Variants in SYNE1 observed in about 807,000 individuals in gnomAD.
SYNE1 encodes spectrin repeat containing nuclear envelope protein 1.
SYNE1 carries 616 observed loss-of-function variants against 1,111.0 expected under a neutral mutation model. That is an observed-to-expected ratio of 0.55 (90% CI 0.52 to 0.59). The LOEUF (loss-of-function observed/expected upper bound fraction) is 0.59, where lower values mean the gene tolerates loss of function less well. SYNE1 is among the 20% of genes least tolerant of loss of function. The probability of loss-of-function intolerance (pLI) is 0.00; values close to 1 mark genes in which losing one functional copy is unlikely to be tolerated. For synonymous variants in SYNE1, 3,855 were observed against 3,825.8 expected (o/e 1.01, Z -0.28); for missense variants, 10,006 against 10,417.0 (o/e 0.96, Z 1.72).
At chr6:152,278,010 C>T in intron 98 of SYNE1, 79 bp downstream of exon 98, 1 of 1,534,878 alleles carries the variant, frequency 6.5e-7, no homozygotes, top group Non-Finnish European at 9.0e-7. Flanking sequence ...CAACCTGTTC[C>T]TTTACCTGGC....
chr6:152,183,904 T>TATCC (rs2068882371), intron 128 of SYNE1, among the ~76,000 whole-genome samples: 1 of 151,978 alleles, frequency 6.6e-6, no homozygotes, highest in Non-Finnish European at 1.5e-5. Flanking sequence ...TATGATTAAA[T>TATCC]ATCCAGAGGC....
At chr6:152,429,425 AT>A (rs1262683981) in intron 36 of SYNE1, among the ~76,000 whole-genome samples, 1 of 152,182 alleles carries the variant, frequency 6.6e-6, no homozygotes, top group African/African-American at 2.4e-5. Flanking sequence ...GCAAAAGTGT[AT>A]TCTCATTATC....
intron 3 of SYNE1, among the ~76,000 whole-genome samples, chr6:152,603,871 A>ATATAT (rs2099603045): frequency 7.5e-6 from 1 of 133,898 alleles, no homozygotes; most frequent in Non-Finnish European, 1.6e-5. Flanking sequence ...AGATAGATAT[A>ATATAT]CTATCTATCT....
chr6:152,372,292 G>A (rs992059640), intron 59 of SYNE1, among the ~76,000 whole-genome samples: 4 of 152,136 alleles, frequency 2.6e-5, no homozygotes, highest in African/African-American at 9.7e-5. Flanking sequence ...CAATGGTCTT[G>A]GATCAGGAAA....
chr6:152,361,981 T>G (rs957894529), intron 64 of SYNE1, among the ~76,000 whole-genome samples, 189 bp downstream of exon 64: 6 of 152,200 alleles, frequency 3.9e-5, no homozygotes, highest in African/African-American at 1.4e-4. Flanking sequence ...GGAAAAATTT[T>G]CACTCACTAA....
intron 141 of SYNE1, among the ~76,000 whole-genome samples, chr6:152,136,039 G>C (rs1251530551): frequency 1.3e-5 from 2 of 152,150 alleles, no homozygotes; most frequent in Non-Finnish European, 2.9e-5. Flanking sequence ...TTAGCTCAAA[G>C]AGCCAAATAA....
rs537186942 is a variant in SYNE1, at chr6:152,162,858, T to C, written c.23790+1305A>G. ...AGCACCACGTTGTACCCCACACATATGTACAATTACTATATATTCATTAGA... is the reference window on the plus strand; with the variant it reads ...AGCACCACGTTGTACCCCACACATACGTACAATTACTATATATTCATTAGA... On this transcript the variant is annotated intron_variant, in intron 131 of 145. Transcript: ENST00000367255. Among the ~76,000 whole-genome samples the C allele has an allele frequency of 9.6e-4, 146 of 152,214 alleles. 1 individual carries two copies. Among genetic ancestry groups the C allele is most frequent in the African/African-American group, 3.5e-3 (146 of 41,532 alleles).
intron 6 of SYNE1, among the ~76,000 whole-genome samples, chr6:152,519,201 G>A (rs1222551528): frequency 1.3e-5 from 2 of 151,906 alleles, no homozygotes; most frequent in Non-Finnish European, 2.9e-5. Context: ...TTGCTGAGAG[G>A]GCCTAGGAGA....
chr6:152,553,087 C>G (rs1361616036), intron 3 of SYNE1, among the ~76,000 whole-genome samples: 2 of 152,126 alleles, frequency 1.3e-5, no homozygotes, highest in Admixed American at 1.3e-4. Context: ...CACATATTAT[C>G]TAATTAAAAC....
At chr6:152,236,795 T>C in intron 109 of SYNE1, 22 bp downstream of exon 109, 1 of 1,614,142 alleles carries the variant, frequency 6.2e-7, no homozygotes, top group Non-Finnish European at 8.5e-7. Flanking sequence ...CTAAAGGCAA[T>C]GTGGCGGCTT....
chr6:152,367,085 C>T (rs373279818), intron 62 of SYNE1, 133 bp downstream of exon 62: 13 of 1,100,594 alleles, frequency 1.2e-5, no homozygotes, highest in Non-Finnish European at 1.5e-5. Flanking sequence ...AGGCAGACAG[C>T]GTTGCACTCA....
intron 10 of SYNE1, among the ~76,000 whole-genome samples, chr6:152,499,673 T>C (rs1379642300): frequency 1.3e-5 from 2 of 152,142 alleles, no homozygotes; most frequent in Admixed American, 6.5e-5. Context: ...AAGCCCTATG[T>C]CATAACAAAA....
In SYNE1 at chr6:152,208,178, G is replaced by A; in HGVS notation, c.22618C>T (p.Leu7540Phe). Residue 7540 changes from leucine (L) to phenylalanine (F), a missense_variant, in exon 125 of 146, where the codon CTC becomes TTC. Coordinates refer to ENST00000367255, the MANE Select transcript of SYNE1 (RefSeq NM_182961.4). ...RDEFNLKLTL[L>F]SNQWQGVIRR... ...ATCACTCCCTGCCATTGATTACTGAGGAGTGTCAATTTCAGGTTGAATTCA... is the reference window on the plus strand; with the variant it reads ...ATCACTCCCTGCCATTGATTACTGAAGAGTGTCAATTTCAGGTTGAATTCA... The A allele has an allele frequency of 6.2e-7, 1 of 1,614,036 alleles. No individual in the cohort carries two copies. Among genetic ancestry groups the A allele is most frequent in the Non-Finnish European group, 8.5e-7 (1 of 1,180,016 alleles).
At chr6:152,221,327 T>A in intron 118 of SYNE1, 99 bp downstream of exon 118, 1 of 1,432,232 alleles carries the variant, frequency 7.0e-7, no homozygotes, top group Admixed American at 1.8e-5. Context: ...AGGAATAGAA[T>A]CTATATAGCT....
Position 152,268,073 on chromosome 6 carries a change from C to T in SYNE1, c.18798G>A (p.Glu6266=), listed in dbSNP as rs1404733233. 1 of 1,613,766 alleles carries T rather than the reference C, an allele frequency of 6.2e-7. No homozygotes were observed. The highest frequency in any genetic ancestry group is 8.5e-7 in the Non-Finnish European group (1 of 1,179,818). The change falls in exon 100 of 146, where the codon GAG becomes GAA. Residue 6266 remains glutamate, a synonymous_variant. Transcript: ENST00000367255. ...AAACATACCCAGCATCACCAGAGGT[C>T]TCTGCCGCCGAATGTTGAATTAGAA... ...EEILIQHSAA[E]TSGDAGEKPD... is the part of the protein sequence containing the mutation.
At chr6:152,458,661 T>G in intron 22 of SYNE1, 96 bp downstream of exon 22, 1 of 1,344,926 alleles carries the variant, frequency 7.4e-7, no homozygotes, top group Non-Finnish European at 1.1e-6. Flanking sequence ...AGAAAAATGT[T>G]TCTTGTCCTC....
chr6:152,383,468 G>T (rs1739674321), intron 55 of SYNE1, among the ~76,000 whole-genome samples: 1 of 152,052 alleles, frequency 6.6e-6, no homozygotes, highest in African/African-American at 2.4e-5. Flanking sequence ...AACCTAGTTG[G>T]GATTCTTTAG....
chr6:152,333,258 A>C (rs1004936702), intron 77 of SYNE1, among the ~76,000 whole-genome samples: 1 of 152,212 alleles, frequency 6.6e-6, no homozygotes, highest in South Asian at 2.1e-4. Flanking sequence ...ACAAAATCAC[A>C]AAAGACACAA....
At chr6:152,596,342 C>G (rs1016124653) in intron 3 of SYNE1, among the ~76,000 whole-genome samples, 57 of 150,314 alleles carry the variant, frequency 3.8e-4, no homozygotes, top group African/African-American at 1.3e-3. Flanking sequence ...ACCTTCACCT[C>G]CCAGAGGAGT....
Sources: allele counts gnomAD v4.1 joint callset (sites outside exome capture counted in the v4.1 genomes callset), GRCh38; gene constraint gnomAD v4.1.1; transcripts MANE v1.5; gene names NCBI Gene and HGNC (gene_info 2026-07-23, HGNC 2026-07-21).